Variants in RAD21 observed in about 807,000 individuals in gnomAD.
The protein encoded by RAD21 is double-strand-break repair protein rad21 homolog.
RAD21 carries 18 observed loss-of-function variants against 71.5 expected under a neutral mutation model. The ratio of observed to expected loss-of-function variants is 0.25; its 90% confidence interval spans 0.17 to 0.37. The LOEUF (loss-of-function observed/expected upper bound fraction) is 0.37, where lower values mean the gene tolerates loss of function less well. Among genes scored for constraint, RAD21 ranks in the 10% least tolerant of loss-of-function variants. RAD21 has a pLI of 1.00. For missense variants in RAD21, 493 were observed against 769.1 expected, an observed-to-expected ratio of 0.64 and a Z score of 4.25; for synonymous variants, 248 against 254.0, an observed-to-expected ratio of 0.98 and a Z score of 0.22.
intron 2 of RAD21, 35 bp downstream of exon 2, chr8:116,866,551 A>C: frequency 1.9e-6 from 3 of 1,576,154 alleles, no homozygotes; most frequent in Non-Finnish European, 2.6e-6. Flanking sequence ...ATAAACAATC[A>C]ACAAAGTGAA....
chr8:116,872,684 T>G (rs1003227508), intron 1 of RAD21, among the ~76,000 whole-genome samples: 2 of 152,238 alleles, frequency 1.3e-5, no homozygotes, highest in East Asian at 1.9e-4. Flanking sequence ...CTAACCTTTA[T>G]GCAGTTCAGT....
intron 1 of RAD21, 190 bp downstream of exon 1, chr8:116,874,421 G>A: frequency 1.6e-5 from 3 of 193,450 alleles, no homozygotes; most frequent in Non-Finnish European, 3.1e-5. Context: ...CGGGCCCGGG[G>A]CGAAGGGGGC....
chr8:116,854,567 A>C, intron 8 of RAD21, 99 bp from the exon 9 acceptor site: 1 of 875,312 alleles, frequency 1.1e-6, no homozygotes, highest in South Asian at 1.5e-5. Flanking sequence ...GCTTTTCTAC[A>C]CACAGACTCT....
At chr8:116,869,029 T>C (rs76018187) in intron 1 of RAD21, among the ~76,000 whole-genome samples, 602 of 152,192 alleles carry the variant, frequency 4.0e-3, no homozygotes, top group Non-Finnish European at 7.1e-3. Context: ...TTTTAAAAAA[T>C]GGCAGAGGGG....
rs749600743 is a variant in RAD21, at chr8:116,856,687, T to C, written c.773A>G (p.Gln258Arg). Reference protein sequence around the residue: ...LSEAGVMLPEQPAHDDMDEDD... With the variant: ...LSEAGVMLPERPAHDDMDEDD... ...CTCATCCATATCGTCATGTGCAGGC[T>C]GCTCTGGCAACATCACCCCTGCCTC... The change falls in exon 7 of 14, where the codon CAG becomes CGG. Residue 258 changes from glutamine (Q) to arginine (R), a missense_variant. Gln to Arg is a conservative substitution (Grantham distance 43, BLOSUM62 1). Coordinates refer to ENST00000297338, the MANE Select transcript of RAD21 (RefSeq NM_006265.3). The C allele has an allele frequency of 1.3e-6, 2 of 1,596,154 alleles. No homozygotes were observed. The highest frequency in any genetic ancestry group is 1.7e-6 in the Non-Finnish European group (2 of 1,171,026).
intron 1 of RAD21, among the ~76,000 whole-genome samples, chr8:116,873,469 G>C (rs1812881814): frequency 6.6e-6 from 1 of 152,110 alleles, no homozygotes; most frequent in Admixed American, 6.5e-5. Context: ...AAATTCTATA[G>C]ACTCGCACTG....
At position 116,847,220 on chromosome 8, in the gene RAD21, A is replaced by G. The variant is rs1479622262; in HGVS notation, c.*280T>C. The G allele has an allele frequency of 3.1e-6, 1 of 318,012 alleles. No individual in the cohort carries two copies. The highest frequency in any genetic ancestry group is 5.7e-6 in the Non-Finnish European group (1 of 174,548). The allele number at this position is 318,012 out of a possible 1,614,324, so 19.7% of individuals were successfully genotyped here. A position where few individuals can be genotyped will look rare whatever the true frequency, so the allele number is the denominator to read the frequency against. Reference sequence around the variant, plus strand: ...ACTGCCACTCAACATTATTACATGCACCAATATTGCACACATCTGTTCTGA... The same window carrying G: ...ACTGCCACTCAACATTATTACATGCGCCAATATTGCACACATCTGTTCTGA... On this transcript the variant is annotated 3_prime_UTR_variant, in exon 14 of 14. Coordinates refer to ENST00000297338, the MANE Select transcript of RAD21 (RefSeq NM_006265.3).
chr8:116,863,872 T>G (rs1182882286), intron 2 of RAD21, among the ~76,000 whole-genome samples: 1 of 152,078 alleles, frequency 6.6e-6, no homozygotes, highest in Non-Finnish European at 1.5e-5. Context: ...GATGACATAA[T>G]CAAGCTGCTG....
At chr8:116,848,545 G>T (rs1319285669) in intron 13 of RAD21, among the ~76,000 whole-genome samples, 1 of 152,058 alleles carries the variant, frequency 6.6e-6, no homozygotes, top group Non-Finnish European at 1.5e-5. Context: ...ACAAGGAAAA[G>T]TAACGTCTGA....
chr8:116,852,357 C>T (rs1812368121), intron 10 of RAD21, 192 bp downstream of exon 10: 5 of 699,476 alleles, frequency 7.1e-6, no homozygotes, highest in South Asian at 2.5e-5. Flanking sequence ...CCTGCCAGTT[C>T]TGAACCTTAA....
chr8:116,857,132 T>C (rs555942979), intron 6 of RAD21, 135 bp downstream of exon 6: 36 of 732,120 alleles, frequency 4.9e-5, no homozygotes, highest in African/African-American at 4.4e-4. Flanking sequence ...AAATGTCCTA[T>C]TGAACCAACT....
At chr8:116,862,359 T>C (rs1015438498) in intron 3 of RAD21, among the ~76,000 whole-genome samples, 1 of 152,082 alleles carries the variant, frequency 6.6e-6, no homozygotes, top group Non-Finnish European at 1.5e-5. Context: ...ATAATAAATA[T>C]GCCTTACTTT....
chr8:116,852,568 ATGCTGCTGT>A lies in RAD21; in HGVS notation c.1293_1301del (p.Gln431_Gln433del). On this transcript the variant is annotated inframe_deletion, in exon 10 of 14. Transcript: ENST00000297338. ...ACAAACCGATAACATCACGCTGCTG[ATGCTGCTGT>A]TGCTGGTCCTCTCTAGGAACCTCTG... 7 of 1,612,856 alleles carry A rather than the reference ATGCTGCTGT, an allele frequency of 4.3e-6. No homozygotes were observed. The highest frequency in any genetic ancestry group is 5.9e-6 in the Non-Finnish European group (7 of 1,179,452).
Position 116,874,734 on chromosome 8 carries a change from C to T in RAD21, c.-156G>A. On this transcript the variant is annotated 5_prime_UTR_variant, in exon 1 of 14. Coordinates refer to ENST00000297338, the MANE Select transcript of RAD21 (RefSeq NM_006265.3). Reference sequence around the variant, plus strand: ...GCTTCCGAGCAGCTCCCGCCGCCGCCACAGCCGGCGCCTCCTTTCCGATTC... The same window carrying T: ...GCTTCCGAGCAGCTCCCGCCGCCGCTACAGCCGGCGCCTCCTTTCCGATTC... The T allele has an allele frequency of 2.2e-6, 1 of 453,768 alleles. No homozygotes were observed. The highest frequency in any genetic ancestry group is 1.6e-5 in the South Asian group (1 of 64,378). The allele number at this position is 453,768 out of a possible 1,614,324, so 28.1% of individuals were successfully genotyped here.
chr8:116,849,449 T>C (rs1321194963), intron 12 of RAD21: 2 of 157,748 alleles, frequency 1.3e-5, no homozygotes, highest in Admixed American at 6.5e-5. Context: ...GCAACATGAT[T>C]TTCTAGATGA....
chr8:116,871,809 A>G lies in RAD21; in HGVS notation c.-33+2802T>C, dbSNP rs562603933. Among the ~76,000 whole-genome samples the G allele has an allele frequency of 2.2e-4, 33 of 152,336 alleles. No individual in the cohort carries two copies. In the South Asian group the frequency reaches 6.6e-3, roughly 31 times the overall value. ...AGTAAATTACTGGCCCATTTTAGAG[A>G]TGGAGAAAACAGATGAAGATAAGTA... On this transcript the variant is annotated intron_variant, in intron 1 of 13. Coordinates refer to ENST00000297338, the MANE Select transcript of RAD21 (RefSeq NM_006265.3).
intron 1 of RAD21, chr8:116,874,401 G>A (rs936801598): frequency 1.1e-4 from 20 of 185,720 alleles, no homozygotes; most frequent in African/African-American, 4.8e-4. Context: ...GCATGGGTCC[G>A]GGCCGAGGGC....
In RAD21 at chr8:116,857,411, TGTC is replaced by T. The variant is rs1563690612; in HGVS notation, c.541_543del (p.Asp181del). ...TTAGAAGTAGTAGTGCTTACTAACA[TGTC>T]GTCATCCTCAAAAGCACTGCCTTCT... On this transcript the variant is annotated inframe_deletion, in exon 6 of 14. Coordinates refer to ENST00000297338, the MANE Select transcript of RAD21 (RefSeq NM_006265.3). 2 of 1,613,472 alleles carry T rather than the reference TGTC, an allele frequency of 1.2e-6. No homozygotes were observed. Among genetic ancestry groups the T allele is most frequent in the Admixed American group, 1.7e-5 (1 of 59,910 alleles).
Position 116,847,611 on chromosome 8 carries a change from T to C in RAD21, c.1785A>G (p.Ala595=). The C allele has an allele frequency of 5.0e-6, 8 of 1,614,156 alleles. No individual in the cohort carries two copies. The highest frequency in any genetic ancestry group is 2.2e-5 in the East Asian group (1 of 44,886). Residue 595 remains alanine (A), a synonymous_variant, in exon 14 of 14, where the codon GCA becomes GCG. Coordinates refer to ENST00000297338, the MANE Select transcript of RAD21 (RefSeq NM_006265.3). ...CRNTNRKQAA[A]KFYSFLVLKK... Reference sequence around the variant, plus strand: ...TAAGAACCAAGAAGCTGTAGAACTTTGCGGCAGCTTGTTTTCTGTTCGTAT... The same window carrying C: ...TAAGAACCAAGAAGCTGTAGAACTTCGCGGCAGCTTGTTTTCTGTTCGTAT...
Sources: gnomAD v4.1 joint callset for allele counts (sites outside exome capture counted in the v4.1 genomes callset) on GRCh38, gnomAD v4.1.1 for gene constraint, MANE v1.5 for transcripts, NCBI Gene and HGNC (gene_info 2026-07-23, HGNC 2026-07-21) for gene names.